The following BSCL2 variants were observed in gnomAD, a reference collection of about 807,000 sequenced individuals.
BSCL2 encodes seipin.
BSCL2 carries 41 observed loss-of-function variants against 57.4 expected under a neutral mutation model. That is an observed-to-expected ratio of 0.71 (90% CI 0.56 to 0.93). The LOEUF is 0.93. BSCL2 is among the 40% of genes least tolerant of loss of function. The pLI is 0.00. For missense variants in BSCL2, 539 were observed against 586.7 expected (o/e 0.92, Z 0.84); for synonymous variants, 237 against 227.3 (o/e 1.04, Z -0.38).
intron 3 of BSCL2, among the ~76,000 whole-genome samples, chr11:62,701,827 T>TG (rs1185479438): frequency 7.3e-5 from 9 of 123,618 alleles, no homozygotes; most frequent in African/African-American, 2.9e-4. Flanking sequence ...TGAGACTGTC[T>TG]GGAAAAAAAA....
At position 62,690,313 on chromosome 11, in the gene BSCL2, G is replaced by A. The variant is rs535829182; in HGVS notation, c.*54C>T. On this transcript the variant is annotated 3_prime_UTR_variant, in exon 11 of 11. Coordinates refer to ENST00000360796, the MANE Select transcript of BSCL2 (RefSeq NM_001122955.4). ...AATAGTTTATTGAAGGAAAAACGAGGGGAGAGGAGTCAGGTGGGAAAGTGC... is the reference window on the plus strand; with the variant it reads ...AATAGTTTATTGAAGGAAAAACGAGAGGAGAGGAGTCAGGTGGGAAAGTGC... 2.1e-5 allele frequency: 34 copies of A among 1,611,900 alleles called. No homozygotes were observed. The African/African-American group carries it at 2.7e-4, about 13-fold the overall frequency.
chr11:62,695,900 G>A (rs1490025320), intron 3 of BSCL2, among the ~76,000 whole-genome samples: 6 of 150,352 alleles, frequency 4.0e-5, no homozygotes, highest in African/African-American at 7.3e-5. Context: ...TTGGCCGGGC[G>A]CGGTTGGCTC....
intron 3 of BSCL2, among the ~76,000 whole-genome samples, chr11:62,702,150 T>G (rs1945661602): frequency 6.6e-6 from 1 of 151,484 alleles, no homozygotes; most frequent in African/African-American, 2.4e-5. Flanking sequence ...CACCGAAACC[T>G]CCTCCTCCCG....
Position 62,705,394 on chromosome 11 carries a change from A to G in BSCL2, c.311T>C (p.Leu104Pro). ...GAGGAAGACAGACACCCAGAGCAAAAGGAGGATGGTGCAGAAGAGCACCCC... is the reference window on the plus strand; with the variant it reads ...GAGGAAGACAGACACCCAGAGCAAAGGGAGGATGGTGCAGAAGAGCACCCC... ...QFGVLFCTIL[L>P]LLWVSVFLYG... is the part of the protein sequence containing the mutation. The change falls in exon 2 of 11, where the codon CTT becomes CCT. Residue 104 changes from leucine (L) to proline (P), a missense_variant. By Grantham distance (98) the Leu-to-Pro change is moderately conservative (BLOSUM62 -3). Transcript: ENST00000360796. The G allele has an allele frequency of 6.2e-7, 1 of 1,614,170 alleles. No homozygotes were observed. The highest frequency in any genetic ancestry group is 2.2e-5 in the East Asian group (1 of 44,882).
chr11:62,700,846 A>C (rs1429073743), intron 3 of BSCL2, among the ~76,000 whole-genome samples: 1 of 151,732 alleles, frequency 6.6e-6, no homozygotes, highest in Admixed American at 6.6e-5. Flanking sequence ...CCAGGTACTC[A>C]GGAGGCTGAG....
chr11:62,700,665 A>C (rs1413245662), intron 3 of BSCL2, among the ~76,000 whole-genome samples: 1 of 151,594 alleles, frequency 6.6e-6, no homozygotes. Context: ...AATAAATAAA[A>C]CTTCAGGCTG....
Position 62,690,641 on chromosome 11 carries a change from T to C in BSCL2, c.1205A>G (p.Glu402Gly). The C allele has an allele frequency of 6.2e-7, 1 of 1,613,960 alleles. No homozygotes were observed. Residue 402 changes from glutamate to glycine, a missense_variant, in exon 10 of 11, where the codon GAA (glutamate) becomes GGA (glycine). Glu to Gly is a moderately conservative substitution (Grantham distance 98). This residue lies in a region of BSCL2 where 248 missense variants were observed against 239.9 expected (regional missense o/e 1.03). Coordinates refer to ENST00000360796, the MANE Select transcript of BSCL2 (RefSeq NM_001122955.4). ...EKPDQQPLSGEEELEPEASDG... is the reference protein window; with the variant it reads ...EKPDQQPLSGGEELEPEASDG... ...ACTGGCCTCAGGCTCTAGCTCCTCT[T>C]CTCCGCTCAGGGGCTGCTGATCTGG...
At position 62,691,092 on chromosome 11, in the gene BSCL2, A is replaced by T; in HGVS notation, c.1055T>A (p.Ile352Asn). ...ACCTTTACCTGGCTGATGAGCAGAG[A>T]TCCTTCGTTGGACTTCCTTCCGGGA... Reference protein sequence around the residue: ...DNSRKEVQRRISAHQPGPEGQ... With the variant: ...DNSRKEVQRRNSAHQPGPEGQ... Residue 352 changes from isoleucine to asparagine, a missense_variant, in exon 8 of 11, where the codon ATC (isoleucine) becomes AAC (asparagine). Around this residue, in one of 3 missense-constraint regions of BSCL2, gnomAD observed 248 missense variants for 239.9 expected, o/e 1.03. Coordinates refer to ENST00000360796, the MANE Select transcript of BSCL2 (RefSeq NM_001122955.4). The T allele has an allele frequency of 6.2e-7, 1 of 1,614,196 alleles. No individual in the cohort carries two copies. Among genetic ancestry groups the T allele is most frequent in the African/African-American group, 1.3e-5 (1 of 75,054 alleles).
chr11:62,696,278 T>TTTTG (rs1554984017), intron 3 of BSCL2, among the ~76,000 whole-genome samples: 14,203 of 136,256 alleles, frequency 0.1, 753 homozygotes, highest in Middle Eastern at 0.14. Flanking sequence ...CATAAACTTT[T>TTTTG]TGTGTGTGTG....
Position 62,707,280 on chromosome 11 carries a change from C to A in BSCL2, c.-85G>T, listed in dbSNP as rs1299265469. On this transcript the variant is annotated 5_prime_UTR_variant, in exon 1 of 11. Coordinates refer to ENST00000360796, the MANE Select transcript of BSCL2 (RefSeq NM_001122955.4). The stretch of plus-strand genomic sequence containing the variant: ...TGAAGTGGCGATCCAGACGCTGATA[C>A]CTGTGGCGCATCACATTTTCCTGGA... 2.6e-6 allele frequency: 3 copies of A among 1,160,038 alleles called. No individual in the cohort carries two copies. The highest frequency in any genetic ancestry group is 4.0e-5 in the Admixed American group (2 of 50,482). The allele number at this position is 1,160,038 out of a possible 1,614,324, so 71.9% of individuals were successfully genotyped here. A position where few individuals can be genotyped will look rare whatever the true frequency, so the allele number is the denominator to read the frequency against.
At position 62,707,208 on chromosome 11, in the gene BSCL2, C is replaced by A. The variant is rs1457028027; in HGVS notation, c.-13G>T. 17 of 1,551,718 alleles carry A rather than the reference C, an allele frequency of 1.1e-5. No homozygotes were observed. Among genetic ancestry groups the A allele is most frequent in the East Asian group, 4.9e-5 (2 of 41,056 alleles). ...TTTCTGTAGACATCTTCCTGACGAG[C>A]CTCTGTTGACTCTGGATCTTCCACT... On this transcript the variant is annotated 5_prime_UTR_variant, in exon 1 of 11. Transcript: ENST00000360796.
At chr11:62,699,675 G>T (rs908116932) in intron 3 of BSCL2, among the ~76,000 whole-genome samples, 9 of 87,210 alleles carry the variant, frequency 1.0e-4, no homozygotes, top group East Asian at 3.5e-4. Context: ...ATCCTATCTG[G>T]TTTTTTTTTT....
intron 3 of BSCL2, among the ~76,000 whole-genome samples, chr11:62,698,203 G>A (rs199795133): frequency 1.4e-5 from 2 of 142,524 alleles, no homozygotes; most frequent in South Asian, 2.2e-4. Context: ...CACCGTGCCC[G>A]GCCTCTTCTT....
At chr11:62,696,166 G>A (rs1281484461) in intron 3 of BSCL2, among the ~76,000 whole-genome samples, 1 of 152,092 alleles carries the variant, frequency 6.6e-6, no homozygotes, top group Non-Finnish European at 1.5e-5. Context: ...GCAAGATTCT[G>A]TCTCAAAACA....
intron 6 of BSCL2, among the ~76,000 whole-genome samples, chr11:62,692,039 A>T (rs1317761874): frequency 1.5e-5 from 2 of 136,958 alleles, no homozygotes; most frequent in African/African-American, 5.3e-5. Flanking sequence ...GCAACAGAGC[A>T]AGACCCCCTC....
Position 62,692,737 on chromosome 11 carries a change from G to T in BSCL2, c.691C>A (p.Leu231Ile). The T allele has an allele frequency of 6.2e-7, 1 of 1,614,132 alleles. No individual in the cohort carries two copies. Among genetic ancestry groups the T allele is most frequent in the Non-Finnish European group, 8.5e-7 (1 of 1,180,036 alleles). ...QMLDTLVFSS[L>I]LLFGFAEQKQ... The stretch of plus-strand genomic sequence containing the variant: ...TGCTCTGCAAAGCCAAATAGCAGGA[G>T]GCTAGAGAAGACCAGTGTGTCCAGC... Residue 231 changes from leucine (L) to isoleucine (I), a missense_variant, in exon 5 of 11, where the codon CTC (leucine) becomes ATC (isoleucine). Physicochemically the swap from Leu to Ile is conservative, Grantham distance 5. Coordinates refer to ENST00000360796, the MANE Select transcript of BSCL2 (RefSeq NM_001122955.4).
At position 62,691,131 on chromosome 11, in the gene BSCL2, C is replaced by T. The variant is rs757850010; in HGVS notation, c.1016G>A (p.Arg339Gln). Residue 339 changes from arginine to glutamine, a missense_variant, in exon 8 of 11, where the codon CGA becomes CAA. Transcript: ENST00000360796. ...TTCCTTCCGGGAATTGTCTCTTTTT[C>T]GGATGTTAACCTGTGGAGGAAAAAC... ...RHRFSLQVNI[R>Q]KRDNSRKEVQ... 14 of 1,614,078 alleles carry T rather than the reference C, an allele frequency of 8.7e-6. No individual in the cohort carries two copies. The Admixed American group carries it at 1.3e-4, about 15-fold the overall frequency.
intron 3 of BSCL2, among the ~76,000 whole-genome samples, chr11:62,695,731 A>G (rs1204695600): frequency 6.6e-6 from 1 of 151,744 alleles, no homozygotes; most frequent in African/African-American, 2.4e-5. Context: ...AAAAAAAAAA[A>G]AAAAAATTTG....
Position 62,705,420 on chromosome 11 carries a change from A to C in BSCL2, c.285T>G (p.Phe95Leu), listed in dbSNP as rs568354548. The change falls in exon 2 of 11, where the codon TTT (phenylalanine) becomes TTG (leucine). Residue 95 changes from phenylalanine to leucine, a missense_variant. This residue lies in a region of BSCL2 where 218 missense variants were observed against 224.8 expected (regional missense o/e 0.97). Transcript: ENST00000360796. ...GGAGGATGGTGCAGAAGAGCACCCC[A>C]AACTGCAGCAGCAGCCTGCGGGCAC... ...AGRARRLLLQ[F>L]GVLFCTILLL... 2.2e-5 allele frequency: 36 copies of C among 1,614,114 alleles called. No individual in the cohort carries two copies. The highest frequency in any genetic ancestry group is 1.6e-4 in the Middle Eastern group (1 of 6,084).
Sources: gnomAD v4.1 joint callset for allele counts (sites outside exome capture counted in the v4.1 genomes callset) on GRCh38, gnomAD v4.1.1 for gene constraint, gnomAD v4.1.1 regional missense constraint, MANE v1.5 for transcripts, NCBI Gene and HGNC (gene_info 2026-07-23, HGNC 2026-07-21) for gene names.